Variants in CISD1 observed in about 807,000 individuals in gnomAD.
CISD1 encodes CDGSH iron sulfur domain 1.
CISD1 carries 8 observed loss-of-function variants against 12.0 expected under a neutral mutation model. The ratio of observed to expected loss-of-function variants is 0.67; its 90% CI spans 0.39 to 1.20. CISD1 has a LOEUF of 1.20. Ranked by LOEUF, CISD1 falls within the 50% of genes most tolerant of loss-of-function variation. CISD1 has a pLI of 0.01. For synonymous variants in CISD1, 38 were observed against 42.2 expected (o/e 0.90, Z 0.39); for missense variants, 107 against 132.7 (o/e 0.81, Z 0.95).
chr10:58,270,080 A>G (rs948188937), intron 1 of CISD1, among the ~76,000 whole-genome samples: 1 of 152,202 alleles, frequency 6.6e-6, no homozygotes, highest in African/African-American at 2.4e-5. Context: ...GACACACAAT[A>G]TATGTGATCT....
intron 2 of CISD1, among the ~76,000 whole-genome samples, chr10:58,285,525 A>C (rs1839419537): frequency 6.6e-6 from 1 of 152,202 alleles, no homozygotes; most frequent in African/African-American, 2.4e-5. Context: ...TAGATTCTAG[A>C]GTGTAGATAC....
At chr10:58,270,676 G>C (rs943053046) in intron 1 of CISD1, among the ~76,000 whole-genome samples, 3 of 152,180 alleles carry the variant, frequency 2.0e-5, no homozygotes, top group African/African-American at 4.8e-5. Context: ...AGGACTTACC[G>C]CTATCTGCAG....
chr10:58,269,369 A>G (rs1444134257), intron 1 of CISD1, 65 bp downstream of exon 1: 6 of 1,492,808 alleles, frequency 4.0e-6, no homozygotes, highest in Non-Finnish European at 4.6e-6. Context: ...CCGCAGTTCG[A>G]CTGGGTTGTT....
intron 1 of CISD1, among the ~76,000 whole-genome samples, chr10:58,271,601 A>G (rs916045138): frequency 6.6e-6 from 1 of 152,372 alleles, no homozygotes; most frequent in East Asian, 1.9e-4. Context: ...GGGGAAAGAT[A>G]TCATGTCTCT....
At chr10:58,279,602 A>G (rs1439407655) in intron 2 of CISD1, among the ~76,000 whole-genome samples, 1 of 152,194 alleles carries the variant, frequency 6.6e-6, no homozygotes, top group African/African-American at 2.4e-5. Flanking sequence ...ATTCATTTGG[A>G]ATTTGAAATT....
chr10:58,279,742 C>T (rs985595534), intron 2 of CISD1, among the ~76,000 whole-genome samples: 12 of 152,052 alleles, frequency 7.9e-5, no homozygotes, highest in African/African-American at 2.7e-4. Context: ...TATATGCATG[C>T]GTGAGAAACA....
At chr10:58,278,930 G>T (rs1839345082) in intron 2 of CISD1, among the ~76,000 whole-genome samples, 1 of 152,194 alleles carries the variant, frequency 6.6e-6, no homozygotes, top group Non-Finnish European at 1.5e-5. Flanking sequence ...AGGTATTCTG[G>T]TGGTGCTATT....
At chr10:58,284,526 GT>G (rs1241460450) in intron 2 of CISD1, among the ~76,000 whole-genome samples, 15 of 152,126 alleles carry the variant, frequency 9.9e-5, no homozygotes, top group Admixed American at 2.6e-4. Flanking sequence ...TCGCATGAAA[GT>G]TTATTAACAA....
chr10:58,274,248 C>T (rs1411660625), intron 1 of CISD1, among the ~76,000 whole-genome samples: 2 of 152,196 alleles, frequency 1.3e-5, no homozygotes, highest in East Asian at 3.9e-4. Flanking sequence ...TTGGATGTTG[C>T]TATTTTTATT....
intron 2 of CISD1, among the ~76,000 whole-genome samples, chr10:58,281,977 T>C (rs1839378346): frequency 6.6e-6 from 1 of 152,094 alleles, no homozygotes; most frequent in Non-Finnish European, 1.5e-5. Context: ...TTTTTTCTTT[T>C]TCTTGAGAGA....
chr10:58,274,413 T>C (rs930051893), intron 1 of CISD1, among the ~76,000 whole-genome samples: 4 of 145,286 alleles, frequency 2.8e-5, no homozygotes, highest in Admixed American at 2.0e-4. Flanking sequence ...TGATTCAGGC[T>C]ACACTCATGA....
intron 2 of CISD1, among the ~76,000 whole-genome samples, chr10:58,280,967 G>A (rs533034709): frequency 6.6e-5 from 10 of 152,266 alleles, no homozygotes; most frequent in Admixed American, 1.3e-4. Flanking sequence ...ATAAAGAAAC[G>A]ACAGAAGTCT....
chr10:58,278,472 AGCTGTGATTGCATCAC>A lies in CISD1; in HGVS notation c.237+1167_237+1182del, dbSNP rs373259717. ...AGCCCAGGAGGTTGAGGCTGCAGTT[AGCTGTGATTGCATCAC>A]GCTGTGATTGCATCACACTGCGTTC... On this transcript the variant is annotated intron_variant, in intron 2 of 2. Coordinates refer to ENST00000333926, the MANE Select transcript of CISD1 (RefSeq NM_018464.5). Among the ~76,000 whole-genome samples, 605 of 152,282 alleles carry A rather than the reference AGCTGTGATTGCATCAC, an allele frequency of 4.0e-3. 1 individual carries two copies. The highest frequency in any genetic ancestry group is 0.013 in the African/African-American group (542 of 41,548).
At chr10:58,280,380 C>G (rs1203344155) in intron 2 of CISD1, among the ~76,000 whole-genome samples, 2 of 152,170 alleles carry the variant, frequency 1.3e-5, no homozygotes, top group African/African-American at 4.8e-5. Flanking sequence ...GCACTGACTT[C>G]TGTGTGAAAG....
intron 1 of CISD1, among the ~76,000 whole-genome samples, chr10:58,274,604 A>G (rs1242294091): frequency 6.6e-6 from 1 of 151,760 alleles, no homozygotes. Flanking sequence ...AACACATGGT[A>G]CTGTGACATT....
At chr10:58,280,985 A>G (rs1345858924) in intron 2 of CISD1, among the ~76,000 whole-genome samples, 3 of 152,218 alleles carry the variant, frequency 2.0e-5, no homozygotes, top group South Asian at 4.1e-4. Flanking sequence ...TCTATGTCAT[A>G]TTTTCCGTAG....
intron 1 of CISD1, among the ~76,000 whole-genome samples, chr10:58,273,851 G>C (rs908326051): frequency 1.3e-5 from 2 of 152,128 alleles, no homozygotes; most frequent in African/African-American, 4.8e-5. Context: ...AGAAAAGCGA[G>C]GGCTGGTCAT....
chr10:58,271,983 C>A (rs1347512850), intron 1 of CISD1, among the ~76,000 whole-genome samples: 2 of 152,104 alleles, frequency 1.3e-5, no homozygotes, highest in Non-Finnish European at 2.9e-5. Context: ...AATAGATGAC[C>A]TTTCTGAACA....
intron 2 of CISD1, among the ~76,000 whole-genome samples, chr10:58,281,153 A>G (rs1375067460): frequency 6.6e-6 from 1 of 152,232 alleles, no homozygotes; most frequent in Non-Finnish European, 1.5e-5. Flanking sequence ...TAAGATCTCA[A>G]ATATTTCAGG....
Sources: gnomAD v4.1 joint callset for allele counts (sites outside exome capture counted in the v4.1 genomes callset) on GRCh38, gnomAD v4.1.1 for gene constraint, MANE v1.5 for transcripts, NCBI Gene and HGNC (gene_info 2026-07-23, HGNC 2026-07-21) for gene names.